TSNARE1: variants seen among roughly 807,000 people sequenced by gnomAD.
TSNARE1 encodes t-SNARE domain containing 1.
In TSNARE1, 49 loss-of-function variants were observed where a neutral mutation model predicts 62.0. The observed-to-expected ratio is 0.79, with a 90% CI of 0.63 to 1.00. The LOEUF is 1.00. TSNARE1 is among the 50% of genes least tolerant of loss of function. TSNARE1 has a pLI of 0.00. For synonymous variants in TSNARE1, 328 were observed against 294.4 expected, an observed-to-expected ratio of 1.11 and a Z score of -1.17; for missense variants, 755 against 700.1, an observed-to-expected ratio of 1.08 and a Z score of -0.88.
chr8:142,401,049 A>G (rs1838253168), intron 1 of TSNARE1, among the ~76,000 whole-genome samples: 1 of 152,182 alleles, frequency 6.6e-6, no homozygotes, highest in Non-Finnish European at 1.5e-5. Context: ...GGCTTGGTAC[A>G]GCCATGGTCG....
intron 11 of TSNARE1, among the ~76,000 whole-genome samples, chr8:142,281,549 T>C (rs748982882): frequency 4.6e-5 from 7 of 151,904 alleles, no homozygotes; most frequent in Non-Finnish European, 1.0e-4. Flanking sequence ...TGAGAGACTC[T>C]GGCTCTCCAC....
At chr8:142,296,494 T>C (rs1247274159) in intron 10 of TSNARE1, among the ~76,000 whole-genome samples, 2 of 150,128 alleles carry the variant, frequency 1.3e-5, no homozygotes, top group South Asian at 4.3e-4. Flanking sequence ...GTCACTGTCT[T>C]TGGGGGCACT....
upstream of TSNARE1, among the ~76,000 whole-genome samples, chr8:142,403,404 T>G (rs1480061832): frequency 6.6e-6 from 1 of 151,832 alleles, no homozygotes; most frequent in African/African-American, 2.4e-5. Context: ...TTTCCCCGTT[T>G]TGCATATGGG....
Position 142,313,445 on chromosome 8 carries a change from CTGTT to C in TSNARE1, c.1131+935_1131+938del, listed in dbSNP as rs529185830. 5.2e-3 allele frequency among the ~76,000 whole-genome samples: 775 copies of C among 149,980 alleles called. 8 individuals carry two copies. Among genetic ancestry groups the C allele is most frequent in the African/African-American group, 0.018 (740 of 40,678 alleles). On this transcript the variant is annotated intron_variant, in intron 9 of 13. Transcript: ENST00000524325. ...GTTTATCTGCATGTTGTCTACATGT[CTGTT>C]TATCTGCATGTGTCTGCATGTCTGT...
At chr8:142,405,252 C>T (rs1222351339), upstream of TSNARE1, 1 of 152,240 alleles carries the variant, frequency 6.6e-6, no homozygotes, top group East Asian at 1.9e-4. Flanking sequence ...CGGGGCTCCC[C>T]TCCCTTCCCT....
At chr8:142,261,785 G>A (rs935008542) in intron 12 of TSNARE1, among the ~76,000 whole-genome samples, 11 of 152,148 alleles carry the variant, frequency 7.2e-5, no homozygotes, top group Admixed American at 1.3e-4. Flanking sequence ...GGCTGCCCTC[G>A]CTATACCCAG....
chr8:142,398,674 G>C (rs1277781324), intron 1 of TSNARE1, among the ~76,000 whole-genome samples: 1 of 152,220 alleles, frequency 6.6e-6, no homozygotes, highest in Non-Finnish European at 1.5e-5. Context: ...TCCATCCCAA[G>C]ACTCATGCCA....
chr8:142,278,710 TC>T, intron 11 of TSNARE1: 1 of 985,278 alleles, frequency 1.0e-6, no homozygotes, highest in South Asian at 4.7e-5. Flanking sequence ...CTTCCGGTGG[TC>T]CCTGGAGTGG....
intron 10 of TSNARE1, among the ~76,000 whole-genome samples, chr8:142,292,167 C>T (rs1823892393): frequency 6.6e-6 from 1 of 152,110 alleles, no homozygotes; most frequent in African/African-American, 2.4e-5. Context: ...AGCCAGTAGC[C>T]AGAACACCAA....
chr8:142,287,897 G>C (rs1586569233), intron 10 of TSNARE1, among the ~76,000 whole-genome samples: 1 of 152,086 alleles, frequency 6.6e-6, no homozygotes, highest in East Asian at 1.9e-4. Flanking sequence ...CTCAGGGACA[G>C]TGGGCCGCCC....
At chr8:142,241,495 A>G (rs1817665629) in intron 12 of TSNARE1, among the ~76,000 whole-genome samples, 1 of 152,202 alleles carries the variant, frequency 6.6e-6, no homozygotes, top group South Asian at 2.1e-4. Context: ...TTTCACAGAA[A>G]TAGAAAAAAA....
chr8:142,280,726 T>A (rs780727982), intron 11 of TSNARE1, among the ~76,000 whole-genome samples: 19 of 151,974 alleles, frequency 1.3e-4, no homozygotes, highest in Non-Finnish European at 2.4e-4. Flanking sequence ...ACTCAGCACA[T>A]CCCAGCCCGC....
chr8:142,390,040 A>C (rs1179043458), intron 1 of TSNARE1, among the ~76,000 whole-genome samples: 1 of 152,264 alleles, frequency 6.6e-6, no homozygotes, highest in Non-Finnish European at 1.5e-5. Flanking sequence ...GAGTGGTAAG[A>C]ATCTGCATAT....
intron 1 of TSNARE1, among the ~76,000 whole-genome samples, chr8:142,373,298 GGCCA>G (rs1424095020): frequency 6.6e-6 from 1 of 152,170 alleles, no homozygotes; most frequent in African/African-American, 2.4e-5. Flanking sequence ...GTTCAGGCCC[GGCCA>G]TGCTGCCACC....
In TSNARE1 at chr8:142,281,089, G is replaced by A. The variant is rs569462598; in HGVS notation, c.1363+3324C>T. 1.8e-3 allele frequency among the ~76,000 whole-genome samples: 276 copies of A among 152,318 alleles called. 1 individual carries two copies. Among genetic ancestry groups the A allele is most frequent in the Non-Finnish European group, 3.4e-3 (233 of 68,018 alleles). ...GACACACTGCCAGTTGTCAGAGCAGGAGGGACCAGGAGGCTGTTCTCGGCA... is the reference window on the plus strand; with the variant it reads ...GACACACTGCCAGTTGTCAGAGCAGAAGGGACCAGGAGGCTGTTCTCGGCA... On this transcript the variant is annotated intron_variant, in intron 11 of 13. Transcript: ENST00000524325.
intron 13 of TSNARE1, among the ~76,000 whole-genome samples, chr8:142,225,600 C>T (rs1300777863): frequency 1.3e-5 from 2 of 152,204 alleles, no homozygotes; most frequent in East Asian, 3.9e-4. Context: ...TGGGCCGCCA[C>T]ACCTCAGAGC....
At position 142,396,843 on chromosome 8, in the gene TSNARE1, G is replaced by A. The variant is rs552680688; in HGVS notation, c.-40+6261C>T. On this transcript the variant is annotated intron_variant, in intron 1 of 13. Transcript: ENST00000524325. ...ACAGATGCCCTGTGGTCAAAAGCAG[G>A]AGGTGTTGTTATAATCAGAATCCAA... 2.6e-5 allele frequency among the ~76,000 whole-genome samples: 4 copies of A among 152,342 alleles called. No homozygotes were observed. The South Asian group carries it at 6.2e-4, about 24-fold the overall frequency.
At position 142,368,093 on chromosome 8, in the gene TSNARE1, TA is replaced by T. The variant is rs1424405902; in HGVS notation, c.-39-13331del. Among the ~76,000 whole-genome samples the T allele has an allele frequency of 3.3e-5, 5 of 149,810 alleles. No homozygotes were observed. The East Asian group carries it at 9.9e-4, about 30-fold the overall frequency. ...AGACTGACACATGTCACAGCTTTTA[TA>T]AAAGCAAGTGAACAAACAAAAAAAA... On this transcript the variant is annotated intron_variant, in intron 1 of 13. Coordinates refer to ENST00000524325, the MANE Select transcript of TSNARE1 (RefSeq NM_145003.5).
chr8:142,283,160 T>TGTCTGTCAATGAGCGGAGGC (rs1821959860), intron 11 of TSNARE1, among the ~76,000 whole-genome samples: 1 of 122,846 alleles, frequency 8.1e-6, no homozygotes, highest in African/African-American at 2.9e-5. Context: ...TGAGCAGAGG[T>TGTCTGTCAATGAGCGGAGGC]GGGGCCAGTG....
Sources: allele counts gnomAD v4.1 joint callset (sites outside exome capture counted in the v4.1 genomes callset), GRCh38; gene constraint gnomAD v4.1.1; transcripts MANE v1.5; gene names NCBI Gene and HGNC (gene_info 2026-07-23, HGNC 2026-07-21).